PA2G4: variants seen among roughly 807,000 people sequenced by gnomAD.
The protein encoded by PA2G4 is proliferation-associated 2G4, also known as proliferation-associated protein 2G4.
PA2G4 carries 8 observed loss-of-function variants against 53.3 expected under a neutral mutation model. That is an observed-to-expected ratio of 0.15 (90% CI 0.09 to 0.27). PA2G4 has a LOEUF of 0.27. PA2G4 is among the 10% of genes least tolerant of loss of function. The pLI is 1.00. For missense variants in PA2G4, 208 were observed against 486.8 expected, an observed-to-expected ratio of 0.43 and a Z score of 5.39; for synonymous variants, 143 against 169.8, an observed-to-expected ratio of 0.84 and a Z score of 1.23.
At chr12:56,107,311 C>A in intron 4 of PA2G4, 55 bp downstream of exon 4, 2 of 1,366,424 alleles carry the variant, frequency 1.5e-6, no homozygotes, top group Non-Finnish European at 2.1e-6. Flanking sequence ...GAATGCACTG[C>A]CATTTGCTTC....
chr12:56,113,123 G>T lies in PA2G4; in HGVS notation c.*235G>T. 2 of 388,376 alleles carry T rather than the reference G, an allele frequency of 5.1e-6. No homozygotes were observed. The highest frequency in any genetic ancestry group is 4.6e-6 in the Non-Finnish European group (1 of 219,156). The allele number at this position is 388,376 out of a possible 1,614,324, so 24.1% of individuals were successfully genotyped here. ...GGAAGACTACTTTAAATGAAAAAAAGAAATTGAATAATAAAATCAGGAGTC... is the reference window on the plus strand; with the variant it reads ...GGAAGACTACTTTAAATGAAAAAAATAAATTGAATAATAAAATCAGGAGTC... On this transcript the variant is annotated 3_prime_UTR_variant, in exon 13 of 13. Transcript: ENST00000303305.
Position 56,110,585 on chromosome 12 carries a change from T to G in PA2G4, c.735T>G (p.Thr245=). The stretch of plus-strand genomic sequence containing the variant: ...CCAAGGATGCAGGACAGAGAACCAC[T>G]ATTTACAAACGAGACCCCTCTAAAC... ...GKAKDAGQRT[T]IYKRDPSKQY... The change falls in exon 9 of 13, where the codon ACT becomes ACG. Residue 245 remains threonine, a synonymous_variant. Transcript: ENST00000303305. 1 of 1,614,110 alleles carries G rather than the reference T, an allele frequency of 6.2e-7. No individual in the cohort carries two copies. The highest frequency in any genetic ancestry group is 1.1e-5 in the South Asian group (1 of 91,080).
Position 56,113,038 on chromosome 12 carries a change from CTTCCAACAA to C in PA2G4, c.*151_*159del, listed in dbSNP as rs568186735. 184 of 504,558 alleles carry C rather than the reference CTTCCAACAA, an allele frequency of 3.6e-4. No individual in the cohort carries two copies. Among genetic ancestry groups the C allele is most frequent in the African/African-American group, 3.3e-3 (165 of 49,452 alleles). The allele number at this position is 504,558 out of a possible 1,614,324, so 31.3% of individuals were successfully genotyped here. A position where few individuals can be genotyped will look rare whatever the true frequency, so the allele number is the denominator to read the frequency against. Reference sequence around the variant, plus strand: ...CCACCCCAGTTCCCCAACCCACTCCCTTCCAACAACAACCAGCTCCAACTGACTCTGGTC... The same window carrying C: ...CCACCCCAGTTCCCCAACCCACTCCCCAACCAGCTCCAACTGACTCTGGTC... On this transcript the variant is annotated 3_prime_UTR_variant, in exon 13 of 13. Coordinates refer to ENST00000303305, the MANE Select transcript of PA2G4 (RefSeq NM_006191.3).
intron 1 of PA2G4, 21 bp downstream of exon 1, chr12:56,104,846 C>T (rs1565863570): frequency 6.2e-7 from 1 of 1,600,430 alleles, no homozygotes; most frequent in Non-Finnish European, 8.6e-7. Context: ...CCTCGGGGGT[C>T]GGGGAATCAA....
chr12:56,111,869 T>C (rs1162031557), intron 12 of PA2G4, among the ~76,000 whole-genome samples: 1 of 150,824 alleles, frequency 6.6e-6, no homozygotes, highest in Admixed American at 6.6e-5. Context: ...TCCCAGCACT[T>C]TGGGAGGCTA....
intron 6 of PA2G4, among the ~76,000 whole-genome samples, chr12:56,109,521 A>G (rs758864018): frequency 2.0e-5 from 3 of 150,504 alleles, no homozygotes; most frequent in Non-Finnish European, 4.4e-5. Flanking sequence ...TTGGGAGGCT[A>G]AGGCGAGATA....
chr12:56,111,551 C>T, intron 12 of PA2G4, 22 bp downstream of exon 12: 1 of 1,607,502 alleles, frequency 6.2e-7, no homozygotes, highest in Non-Finnish European at 8.5e-7. Context: ...ACGATCATTC[C>T]TCTCTGGCAG....
At chr12:56,108,794 C>T (rs1178500919) in intron 5 of PA2G4, among the ~76,000 whole-genome samples, 1 of 152,026 alleles carries the variant, frequency 6.6e-6, no homozygotes, top group African/African-American at 2.4e-5. Context: ...AATGAAAAAC[C>T]AGTGAATGAC....
Position 56,110,975 on chromosome 12 carries a change from A to T in PA2G4, c.854A>T (p.Asp285Val). ...ATCTTCCCTGCCAGAGCATTTGAAG[A>T]TGAGAAGAAGGCTCGGATGGGTGTG... ...AMPFTLRAFE[D>V]EKKARMGVVE... Residue 285 changes from aspartate to valine, a missense_variant, in exon 10 of 13, where the codon GAT becomes GTT. This residue lies in a region of PA2G4 where 143 missense variants were observed against 386.8 expected (regional missense o/e 0.37). Coordinates refer to ENST00000303305, the MANE Select transcript of PA2G4 (RefSeq NM_006191.3). 6.2e-7 allele frequency: 1 copy of T among 1,612,826 alleles called. No individual in the cohort carries two copies. The highest frequency in any genetic ancestry group is 8.5e-7 in the Non-Finnish European group (1 of 1,179,946).
Position 56,106,596 on chromosome 12 carries a change from C to T in PA2G4, c.97C>T (p.Arg33Trp). The T allele has an allele frequency of 2.5e-6, 4 of 1,576,782 alleles. No individual in the cohort carries two copies. The highest frequency in any genetic ancestry group is 3.4e-6 in the Non-Finnish European group (4 of 1,168,940). The change falls in exon 2 of 13, where the codon CGG (arginine) becomes TGG (tryptophan). Residue 33 changes from arginine to tryptophan, a missense_variant. Arg to Trp is a moderately radical substitution (Grantham distance 101). Transcript: ENST00000303305. Reference protein sequence around the residue: ...MGGDIANRVLRSLVEASSSGV... With the variant: ...MGGDIANRVLWSLVEASSSGV... ...TGGGATTCTGTCCTCAGGGGTACTT[C>T]GGTCCTTGGTGGAAGCATCTAGCTC...
chr12:56,107,433 C>A, intron 4 of PA2G4, 88 bp from the exon 5 acceptor site: 1 of 1,065,162 alleles, frequency 9.4e-7, no homozygotes, highest in Non-Finnish European at 1.5e-6. Context: ...GGCTGGTCTT[C>A]GCATATGGGC....
rs1869401531 is a variant in PA2G4 at position 56,110,696 on chromosome 12, C to T, written c.842+4C>T. 2 of 1,613,996 alleles carry T rather than the reference C, an allele frequency of 1.2e-6. No individual in the cohort carries two copies. The highest frequency in any genetic ancestry group is 1.3e-5 in the African/African-American group (1 of 75,034). ...ATGCCATGCCGTTTACTTTAAGGTA[C>T]TAAGCAATGATAGTACTTGGAACCA... On this transcript the variant is annotated splice_donor_region_variant and intron_variant, in intron 9 of 12. Transcript: ENST00000303305.
chr12:56,113,147 T>G lies in PA2G4; in HGVS notation c.*259T>G. ...AGAAATTGAATAATAAAATCAGGAG[T>G]CAAAATTCATCGTCTTCAAGCCCCT... On this transcript the variant is annotated 3_prime_UTR_variant, in exon 13 of 13. Coordinates refer to ENST00000303305, the MANE Select transcript of PA2G4 (RefSeq NM_006191.3). 1 of 329,512 alleles carries G rather than the reference T, an allele frequency of 3.0e-6. No homozygotes were observed. The highest frequency in any genetic ancestry group is 5.5e-6 in the Non-Finnish European group (1 of 182,090). The allele number at this position is 329,512 out of a possible 1,614,324, so 20.4% of individuals were successfully genotyped here.
intron 6 of PA2G4, among the ~76,000 whole-genome samples, chr12:56,109,544 CG>C (rs1246683335): frequency 1.3e-5 from 2 of 149,780 alleles, no homozygotes; most frequent in East Asian, 3.9e-4. Context: ...CGCTTGAACC[CG>C]GGAGGAGGAG....
chr12:56,106,483 C>T, intron 1 of PA2G4, 105 bp from the exon 2 acceptor site: 1 of 1,281,060 alleles, frequency 7.8e-7, no homozygotes, highest in South Asian at 1.8e-5. Flanking sequence ...GCAATGGCAC[C>T]AGGGAGTATT....
chr12:56,106,140 T>C (rs1251136965), intron 1 of PA2G4: 2 of 152,680 alleles, frequency 1.3e-5, no homozygotes, highest in Non-Finnish European at 1.5e-5. Context: ...CTTATGCACT[T>C]GTTTATGAGG....
chr12:56,106,537 A>G (rs1869305994), intron 1 of PA2G4, 51 bp from the exon 2 acceptor site: 1 of 1,465,870 alleles, frequency 6.8e-7, no homozygotes, highest in Non-Finnish European at 9.0e-7. Context: ...CTTGGGTGGT[A>G]ACTAGACAAT....
chr12:56,112,800 C>G (rs765268833), intron 12 of PA2G4, 23 bp from the exon 13 acceptor site: 1 of 1,524,274 alleles, frequency 6.6e-7, no homozygotes, highest in South Asian at 1.2e-5. Context: ...CAGGTCTTCT[C>G]CCTCTCCTTT....
Position 56,107,136 on chromosome 12 carries a change from G to A in PA2G4, c.323+41G>A, listed in dbSNP as rs745309424. The A allele has an allele frequency of 9.4e-6, 15 of 1,603,586 alleles. No homozygotes were observed. The African/African-American group carries it at 1.9e-4, about 20-fold the overall frequency. On this transcript the variant is annotated intron_variant, in intron 3 of 12. Transcript: ENST00000303305. ...TTTAAAGCATTTTTCTTTTTTTAAA[G>A]CATTTACAAAATGCCAGTTCCTAAT...
Sources: allele counts gnomAD v4.1 joint callset (sites outside exome capture counted in the v4.1 genomes callset), GRCh38; gene constraint gnomAD v4.1.1; regional missense constraint gnomAD v4.1.1; transcripts MANE v1.5; gene names NCBI Gene and HGNC (gene_info 2026-07-23, HGNC 2026-07-21).